CNTLN: variants seen among roughly 807,000 people sequenced by gnomAD.
The protein encoded by CNTLN is centlein.
In CNTLN, 212 loss-of-function variants were observed where a neutral mutation model predicts 180.0. The observed-to-expected ratio is 1.18, with a 90% CI of 1.05 to 1.32. The LOEUF (loss-of-function observed/expected upper bound fraction) is 1.32, where lower values mean the gene tolerates loss of function less well. Among genes scored for constraint, CNTLN ranks in the 40% most tolerant of loss-of-function variants. CNTLN has a pLI of 0.00. For synonymous variants in CNTLN, 722 were observed against 563.1 expected (o/e 1.28, Z -3.99); for missense variants, 2,095 against 1,610.9 (o/e 1.30, Z -5.14).
intron 13 of CNTLN, among the ~76,000 whole-genome samples, chr9:17,369,466 C>T (rs1012933111): frequency 2.0e-5 from 3 of 151,898 alleles, no homozygotes; most frequent in African/African-American, 4.8e-5. Flanking sequence ...GATATGTAGC[C>T]TTTCAGACAG....
At chr9:17,239,089 A>G (rs1394002987) in intron 5 of CNTLN, among the ~76,000 whole-genome samples, 3 of 152,090 alleles carry the variant, frequency 2.0e-5, no homozygotes, top group Admixed American at 2.0e-4. Context: ...CCAGGCTGGA[A>G]TACAGTGGTG....
chr9:17,435,802 A>T (rs1198448405), intron 18 of CNTLN, among the ~76,000 whole-genome samples: 1 of 152,074 alleles, frequency 6.6e-6, no homozygotes, highest in Non-Finnish European at 1.5e-5. Flanking sequence ...ACCTCAGGTG[A>T]TCCACCCGTC....
intron 2 of CNTLN, among the ~76,000 whole-genome samples, chr9:17,185,957 T>C (rs192448055): frequency 3.9e-5 from 6 of 152,210 alleles, no homozygotes; most frequent in Admixed American, 1.3e-4. Flanking sequence ...CACACCTGGC[T>C]AATTTTTAAA....
intron 13 of CNTLN, among the ~76,000 whole-genome samples, chr9:17,371,714 C>T (rs1282059470): frequency 1.3e-5 from 2 of 152,016 alleles, no homozygotes; most frequent in African/African-American, 4.8e-5. Context: ...GTGTGTTAAG[C>T]CATAAAACAA....
intron 18 of CNTLN, 91 bp from the exon 19 acceptor site, chr9:17,457,433 C>T (rs1474358368): frequency 8.7e-6 from 6 of 687,222 alleles, no homozygotes; most frequent in South Asian, 5.5e-5. Flanking sequence ...TAATATTTTC[C>T]TAGCTGTAGA....
intron 2 of CNTLN, among the ~76,000 whole-genome samples, chr9:17,179,483 C>A (rs1484663640): frequency 2.0e-5 from 3 of 152,076 alleles, no homozygotes; most frequent in Admixed American, 6.5e-5. Flanking sequence ...AAGTGTTTGG[C>A]GATTTTTCCT....
chr9:17,463,157 A>G (rs1215318316), intron 20 of CNTLN, 144 bp downstream of exon 20: 3 of 528,194 alleles, frequency 5.7e-6, no homozygotes, highest in Admixed American at 4.0e-5. Context: ...AAGTTTAAGG[A>G]ATACTATGTA....
At chr9:17,525,149 C>A in the CNTLN span, among the ~76,000 whole-genome samples, 1 of 152,100 alleles carries the variant, frequency 6.6e-6, no homozygotes, top group African/African-American at 2.4e-5. Context: ...ATCCCTCAGC[C>A]AAAACATTAC....
At position 17,502,512 on chromosome 9, in the gene CNTLN, T is replaced by C. The variant is rs756557526; in HGVS notation, c.4120-39T>C. ...TAGTATGTTTTTGAACTGAAGAAAA[T>C]ATAGAGTTTTAATAATCTTTTTTGT... is the stretch of plus-strand genomic sequence containing the variant. On this transcript the variant is annotated intron_variant, in intron 25 of 25. Coordinates refer to ENST00000380647, the MANE Select transcript of CNTLN (RefSeq NM_017738.4). 13 of 961,096 alleles carry C rather than the reference T, an allele frequency of 1.4e-5. No homozygotes were observed. In the South Asian group the frequency reaches 2.1e-4, roughly 16 times the overall value. The allele number at this position is 961,096 out of a possible 1,614,324, so 59.5% of individuals were successfully genotyped here.
At position 17,189,073 on chromosome 9, in the gene CNTLN, GT is replaced by G. The variant is rs1175101171; in HGVS notation, c.450-37103del. On this transcript the variant is annotated intron_variant, in intron 2 of 25. Coordinates refer to ENST00000380647, the MANE Select transcript of CNTLN (RefSeq NM_017738.4). ...ATCAATTTGAGCTTTTTGGGACTTA[GT>G]TTTTTTTTTTTTTTTTTTTTTTTTT... 5.4e-3 allele frequency among the ~76,000 whole-genome samples: 372 copies of G among 68,872 alleles called. 1 individual carries two copies. Among genetic ancestry groups the G allele is most frequent in the African/African-American group, 0.021 (322 of 15,136 alleles). The allele number at this position is 68,872 out of a possible 152,430, so 45.2% of individuals were successfully genotyped here. A position where few individuals can be genotyped will look rare whatever the true frequency, so the allele number is the denominator to read the frequency against.
intron 7 of CNTLN, among the ~76,000 whole-genome samples, chr9:17,304,353 T>G (rs958990056): frequency 1.3e-5 from 2 of 152,168 alleles, no homozygotes; most frequent in African/African-American, 4.8e-5. Flanking sequence ...TTTTTAATAT[T>G]TTTATATCTG....
At chr9:17,172,913 A>G (rs1820504080) in intron 2 of CNTLN, among the ~76,000 whole-genome samples, 1 of 152,180 alleles carries the variant, frequency 6.6e-6, no homozygotes, top group African/African-American at 2.4e-5. Context: ...TTGATATCAT[A>G]TACTATAAGG....
At chr9:17,527,146 G>A in the CNTLN span, among the ~76,000 whole-genome samples, 5 of 152,156 alleles carry the variant, frequency 3.3e-5, no homozygotes, top group South Asian at 8.3e-4. Flanking sequence ...GCCTCCCAAA[G>A]TCCTGGGATT....
intron 15 of CNTLN, among the ~76,000 whole-genome samples, chr9:17,401,187 A>G (rs1161868198): frequency 1.3e-5 from 2 of 152,192 alleles, no homozygotes; most frequent in Non-Finnish European, 2.9e-5. Context: ...TAGTCTCTTG[A>G]CACAGTATCT....
At chr9:17,521,282 A>AGAGAGAGAGAGAG in the CNTLN span, among the ~76,000 whole-genome samples, 1 of 151,124 alleles carries the variant, frequency 6.6e-6, no homozygotes, top group Non-Finnish European at 1.5e-5. Context: ...AGAGAGAGAG[A>AGAGAGAGAGAGAG]GAGAGAGAGA....
chr9:17,304,640 T>C (rs1375711281), intron 7 of CNTLN, among the ~76,000 whole-genome samples: 1 of 152,188 alleles, frequency 6.6e-6, no homozygotes, highest in East Asian at 1.9e-4. Flanking sequence ...GTTGGCACTC[T>C]GTATCCATAG....
At chr9:17,233,190 C>T (rs142801152) in intron 3 of CNTLN, among the ~76,000 whole-genome samples, 34 of 152,070 alleles carry the variant, frequency 2.2e-4, no homozygotes, top group Middle Eastern at 3.4e-3. Context: ...ATGATCCCCA[C>T]GCTGAAGTAC....
intron 6 of CNTLN, among the ~76,000 whole-genome samples, chr9:17,275,818 A>G (rs533667677): frequency 6.6e-6 from 1 of 152,242 alleles, no homozygotes; most frequent in African/African-American, 2.4e-5. Context: ...GGCCATGTGT[A>G]ATTCTAAGAG....
intron 8 of CNTLN, among the ~76,000 whole-genome samples, chr9:17,323,757 A>G (rs1187016547): frequency 1.3e-5 from 2 of 152,210 alleles, no homozygotes; most frequent in African/African-American, 4.8e-5. Context: ...CAACCCTTTG[A>G]CAGGCCAATT....
Sources: allele counts gnomAD v4.1 joint callset (sites outside exome capture counted in the v4.1 genomes callset), GRCh38; gene constraint gnomAD v4.1.1; transcripts MANE v1.5; gene names NCBI Gene and HGNC (gene_info 2026-07-23, HGNC 2026-07-21).